Variants in DLGAP2 observed in about 807,000 individuals in gnomAD.
The protein encoded by DLGAP2 is DLG associated protein 2.
In DLGAP2, 26 loss-of-function variants were observed where a neutral mutation model predicts 100.3. The observed-to-expected ratio is 0.26, with a 90% CI of 0.19 to 0.36. The LOEUF (loss-of-function observed/expected upper bound fraction) is 0.36, where lower values mean the gene tolerates loss of function less well. DLGAP2 is among the 10% of genes least tolerant of loss of function. DLGAP2 has a pLI of 1.00. For missense variants in DLGAP2, 1,858 were observed against 1,453.2 expected (o/e 1.28, Z -4.53); for synonymous variants, 886 against 630.1 (o/e 1.41, Z -6.08).
chr8:893,611 T>C (rs1244273314), intron 1 of DLGAP2, among the ~76,000 whole-genome samples: 1 of 152,222 alleles, frequency 6.6e-6, no homozygotes, highest in Non-Finnish European at 1.5e-5. Context: ...GCCCGGAAGC[T>C]GTCAGGAGGG....
intron 2 of DLGAP2, among the ~76,000 whole-genome samples, chr8:973,890 C>T (rs1195293429): frequency 4.2e-5 from 6 of 143,260 alleles, no homozygotes; most frequent in South Asian, 4.2e-4. Context: ...TCCCCTCCTC[C>T]GCCACCGCCG....
intron 2 of DLGAP2, among the ~76,000 whole-genome samples, chr8:1,085,642 C>T (rs943692931): frequency 1.3e-5 from 2 of 152,112 alleles, no homozygotes; most frequent in African/African-American, 4.8e-5. Flanking sequence ...TATTTTTATG[C>T]CTGTGTGATG....
rs1290749993 is a variant in DLGAP2 at position 1,378,554 on chromosome 8, G to A, written c.106+119671G>A. Among the ~76,000 whole-genome samples, 5 of 141,274 alleles carry A rather than the reference G, an allele frequency of 3.5e-5. 1 individual carries two copies. The highest frequency in any genetic ancestry group is 1.1e-4 in the African/African-American group (4 of 37,168). The allele number at this position is 141,274 out of a possible 152,430, so 92.7% of individuals were successfully genotyped here. On this transcript the variant is annotated intron_variant, in intron 3 of 14. Coordinates refer to ENST00000637795, the MANE Select transcript of DLGAP2 (RefSeq NM_001346810.2). ...GTCCCTGACACACACAGCTGACTTC[G>A]CCTGTCTGTCCTGCGCACACCTGGC...
intron 2 of DLGAP2, among the ~76,000 whole-genome samples, chr8:978,878 C>G (rs919223704): frequency 1.3e-5 from 2 of 152,166 alleles, no homozygotes; most frequent in Admixed American, 1.3e-4. Context: ...ATCCCAAATA[C>G]TCATAGCCAA....
intron 1 of DLGAP2, among the ~76,000 whole-genome samples, chr8:823,762 A>T (rs917760112): frequency 6.6e-6 from 1 of 152,186 alleles, no homozygotes; most frequent in Non-Finnish European, 1.5e-5. Flanking sequence ...GGTCATTCGC[A>T]GCACGGGGAG....
chr8:1,103,469 TTGATGACTGGCGGGGCCTTGGTTGACGG>T (rs71202688), intron 2 of DLGAP2, among the ~76,000 whole-genome samples: 1 of 82,676 alleles, frequency 1.2e-5, no homozygotes, highest in Admixed American at 1.1e-4. Context: ...TTGGTTAACG[TTGATGACTGGCGGGGCCTTGGTTGACGG>T]TGATGACTGG....
chr8:909,553 G>A (rs1219741657), intron 2 of DLGAP2, among the ~76,000 whole-genome samples: 2 of 151,620 alleles, frequency 1.3e-5, no homozygotes, highest in Admixed American at 1.3e-4. Flanking sequence ...TACTTTTCAT[G>A]AGACTCCAAG....
chr8:1,261,587 T>A (rs1323270388), intron 3 of DLGAP2, among the ~76,000 whole-genome samples: 2 of 78,340 alleles, frequency 2.6e-5, no homozygotes, highest in Admixed American at 1.3e-4. Flanking sequence ...CAGTGGGGGG[T>A]GGGGCTCCCT....
intron 2 of DLGAP2, among the ~76,000 whole-genome samples, chr8:1,103,817 A>C (rs1390018504): frequency 6.6e-6 from 1 of 151,682 alleles, no homozygotes; most frequent in African/African-American, 2.4e-5. Context: ...GATGACTGGC[A>C]GGTGTCTGCT....
intron 5 of DLGAP2, among the ~76,000 whole-genome samples, chr8:1,565,023 G>A (rs777527083): frequency 6.6e-6 from 1 of 152,130 alleles, no homozygotes; most frequent in Non-Finnish European, 1.5e-5. Flanking sequence ...TCTGTACGAG[G>A]CAGACGTATA....
At chr8:1,625,153 T>C (rs1339288844) in intron 6 of DLGAP2, among the ~76,000 whole-genome samples, 1 of 152,236 alleles carries the variant, frequency 6.6e-6, no homozygotes, top group East Asian at 1.9e-4. Context: ...GGAGTCAGAA[T>C]CGTCCACCTA....
At chr8:1,257,939 C>T (rs1026394795) in intron 2 of DLGAP2, among the ~76,000 whole-genome samples, 7 of 152,234 alleles carry the variant, frequency 4.6e-5, no homozygotes, top group Non-Finnish European at 8.8e-5. Context: ...GCTTTGAACC[C>T]AGGCCTACCC....
At chr8:1,202,266 GTGTGTGTC>G (rs1385578700) in intron 2 of DLGAP2, among the ~76,000 whole-genome samples, 1 of 131,322 alleles carries the variant, frequency 7.6e-6, no homozygotes, top group African/African-American at 3.4e-5. Flanking sequence ...GTGTGTGTGT[GTGTGTGTC>G]TGTGGTGCAT....
At chr8:1,227,588 G>T (rs528089817) in intron 2 of DLGAP2, among the ~76,000 whole-genome samples, 50 of 151,840 alleles carry the variant, frequency 3.3e-4, no homozygotes, top group African/African-American at 1.2e-3. Context: ...CCACCTCCCA[G>T]GTTCAAGCAA....
At chr8:1,450,920 T>C (rs773253250) in intron 3 of DLGAP2, among the ~76,000 whole-genome samples, 1 of 152,170 alleles carries the variant, frequency 6.6e-6, no homozygotes, top group Non-Finnish European at 1.5e-5. Flanking sequence ...GAAACACTTT[T>C]TATGTTGCTT....
intron 2 of DLGAP2, among the ~76,000 whole-genome samples, chr8:1,204,526 T>C (rs1442306302): frequency 6.6e-6 from 1 of 152,194 alleles, no homozygotes; most frequent in Non-Finnish European, 1.5e-5. Flanking sequence ...CTGGTGAAAC[T>C]GGACAAAGAA....
At chr8:982,395 A>G (rs1281845503) in intron 2 of DLGAP2, among the ~76,000 whole-genome samples, 1 of 152,140 alleles carries the variant, frequency 6.6e-6, no homozygotes, top group Non-Finnish European at 1.5e-5. Context: ...CTCTTATCTC[A>G]TTCTTTTACC....
chr8:1,269,135 G>A (rs1217013163), intron 3 of DLGAP2, among the ~76,000 whole-genome samples: 1 of 152,148 alleles, frequency 6.6e-6, no homozygotes, highest in Admixed American at 6.5e-5. Flanking sequence ...TTCATCGGTG[G>A]GCCCGTCTGC....
intron 3 of DLGAP2, among the ~76,000 whole-genome samples, chr8:1,291,827 T>C (rs148384859): frequency 0.024 from 3,618 of 152,248 alleles, 43 homozygotes; most frequent in South Asian, 0.037. Context: ...CCAGCCACAC[T>C]TTGTACTGCT....
Sources: allele counts gnomAD v4.1 joint callset (sites outside exome capture counted in the v4.1 genomes callset), GRCh38; gene constraint gnomAD v4.1.1; transcripts MANE v1.5; gene names NCBI Gene and HGNC (gene_info 2026-07-23, HGNC 2026-07-21).